GSE1: variants seen among roughly 807,000 people sequenced by gnomAD.
GSE1 encodes genetic suppressor element 1.
In GSE1, 32 loss-of-function variants were observed where a neutral mutation model predicts 112.6. The observed-to-expected ratio is 0.28, with a 90% CI of 0.21 to 0.38. GSE1 has a LOEUF of 0.38. Ranked by LOEUF, GSE1 falls within the 10% of genes least tolerant of loss-of-function variation. GSE1 has a pLI of 1.00. For missense variants in GSE1, 2,348 were observed against 1,699.2 expected (o/e 1.38, Z -6.71); for synonymous variants, 1,115 against 735.6 (o/e 1.52, Z -8.35).
chr16:85,469,919 C>T (rs1162886899), intron 2 of GSE1, among the ~76,000 whole-genome samples: 1 of 152,244 alleles, frequency 6.6e-6, no homozygotes, highest in Non-Finnish European at 1.5e-5. Flanking sequence ...AGTCCCCGAC[C>T]AGGCACGGGG....
At chr16:85,615,801 AG>A (rs1352485807) in intron 1 of GSE1, among the ~76,000 whole-genome samples, 1 of 152,154 alleles carries the variant, frequency 6.6e-6, no homozygotes, top group African/African-American at 2.4e-5. Flanking sequence ...GGCCTTTCCA[AG>A]CCCAGTTAAG....
intron 2 of GSE1, among the ~76,000 whole-genome samples, chr16:85,443,434 T>C (rs1289825643): frequency 6.6e-6 from 1 of 152,216 alleles, no homozygotes; most frequent in Non-Finnish European, 1.5e-5. Context: ...AAAACAGAGC[T>C]AGGACAATGA....
At chr16:85,370,905 G>A (rs977134823) in intron 2 of GSE1, among the ~76,000 whole-genome samples, 3 of 152,204 alleles carry the variant, frequency 2.0e-5, no homozygotes, top group Admixed American at 6.5e-5. Flanking sequence ...ACTACCCTCC[G>A]AGCCAGCCTG....
chr16:85,647,116 C>G (rs552539368), intron 2 of GSE1, among the ~76,000 whole-genome samples: 1 of 152,192 alleles, frequency 6.6e-6, no homozygotes, highest in Non-Finnish European at 1.5e-5. Context: ...AACACTCCTC[C>G]CCGTCCTCCC....
chr16:85,293,312 G>A (rs1488628096), intron 1 of GSE1, among the ~76,000 whole-genome samples: 3 of 152,124 alleles, frequency 2.0e-5, no homozygotes, highest in East Asian at 3.9e-4. Context: ...CTGGGAGGCC[G>A]AGGCGGGTGC....
At chr16:85,648,987 TG>T (rs2051111633) in intron 3 of GSE1, among the ~76,000 whole-genome samples, 1 of 152,110 alleles carries the variant, frequency 6.6e-6, no homozygotes, top group Non-Finnish European at 1.5e-5. Context: ...AACCACCCGC[TG>T]GGGGTGTCCC....
intron 1 of GSE1, among the ~76,000 whole-genome samples, chr16:85,619,843 A>T (rs1567662673): frequency 6.6e-6 from 1 of 152,054 alleles, no homozygotes; most frequent in Non-Finnish European, 1.5e-5. Context: ...GGCCCCGGGG[A>T]TCCATATCCT....
chr16:85,671,034 G>C lies in GSE1; in HGVS notation c.3455G>C (p.Arg1152Thr), dbSNP rs1379435104. The change falls in exon 15 of 16, where the codon AGA becomes ACA. Residue 1152 changes from arginine (R) to threonine (T), a missense_variant. By Grantham distance (71) the Arg-to-Thr change is moderately conservative. Coordinates refer to ENST00000253458, the MANE Select transcript of GSE1 (RefSeq NM_014615.5). The part of the protein sequence containing the change: ...LERQVLQTQC[R>T]RLEARHYSLS... ...CGGCAGGTGTTACAGACACAATGTA[G>C]ACGACTGGAGGCCCGGCACTACAGC... is the stretch of plus-strand genomic sequence containing the variant. The C allele has an allele frequency of 1.2e-6, 2 of 1,612,780 alleles. No individual in the cohort carries two copies. The highest frequency in any genetic ancestry group is 2.2e-5 in the East Asian group (1 of 44,862).
chr16:85,363,137 G>C (rs2047117974), intron 2 of GSE1, among the ~76,000 whole-genome samples: 1 of 152,150 alleles, frequency 6.6e-6, no homozygotes, highest in Admixed American at 6.5e-5. Flanking sequence ...GCACCCGCTG[G>C]ATATCATTAT....
intron 1 of GSE1, among the ~76,000 whole-genome samples, chr16:85,226,126 C>T (rs1446052301): frequency 6.6e-6 from 1 of 152,224 alleles, no homozygotes; most frequent in Non-Finnish European, 1.5e-5. Flanking sequence ...CTCCACCATA[C>T]TCACTTCCTT....
chr16:85,188,363 G>A (rs1365281662), intron 1 of GSE1, among the ~76,000 whole-genome samples: 1 of 152,234 alleles, frequency 6.6e-6, no homozygotes, highest in South Asian at 2.1e-4. Flanking sequence ...CTCAATTAAT[G>A]TTGGCTCTTA....
chr16:85,448,962 C>T (rs1367225395), intron 2 of GSE1, among the ~76,000 whole-genome samples: 5 of 152,220 alleles, frequency 3.3e-5, no homozygotes, highest in Non-Finnish European at 4.4e-5. Flanking sequence ...CTGTTTGCCT[C>T]TCCCCGCCCC....
In GSE1 at chr16:85,657,348, C is replaced by T. The variant is rs2052051070; in HGVS notation, c.1384C>T (p.His462Tyr). The change falls in exon 8 of 16, where the codon CAC (histidine) becomes TAC (tyrosine). Residue 462 changes from histidine to tyrosine, a missense_variant. By Grantham distance (83) the His-to-Tyr change is moderately conservative. Coordinates refer to ENST00000253458, the MANE Select transcript of GSE1 (RefSeq NM_014615.5). ...QHPLHPVPTP[H>Y]HTVPSLISNH... ...CCCCTTGCATCCGGTGCCCACCCCA[C>T]ACCACACGGTGCCCAGCCTCATCTC... The T allele has an allele frequency of 1.2e-6, 2 of 1,611,266 alleles. No individual in the cohort carries two copies. The highest frequency in any genetic ancestry group is 8.5e-7 in the Non-Finnish European group (1 of 1,179,402).
At position 85,603,984 on chromosome 16, in the gene GSE1, T is replaced by G. The variant is rs150538314; in HGVS notation, c.38-44568T>G. ...AAAGAAAAGCGGTATAATTGGTTCA[T>G]GGTTCTGCAGGCCCTGCAGGAAGCA... On this transcript the variant is annotated intron_variant, in intron 1 of 2. Coordinates refer to the GSE1 transcript ENST00000635906. Among the ~76,000 whole-genome samples, 180 of 152,290 alleles carry G rather than the reference T, an allele frequency of 1.2e-3. 1 individual carries two copies. Among genetic ancestry groups the G allele is most frequent in the African/African-American group, 4.2e-3 (176 of 41,552 alleles).
rs139460605 is a variant in GSE1, at chr16:85,332,561, T to A, written c.2284-24902T>A. ...CGGTGTCCAAAGCCCCCTCCCCGTG[T>A]GCCTCCCCCGACCCTCAGCTGGTGG... On this transcript the variant is annotated intron_variant, in intron 1 of 2. Coordinates refer to the GSE1 transcript ENST00000637419. 3.0e-3 allele frequency among the ~76,000 whole-genome samples: 452 copies of A among 152,250 alleles called. 4 individuals are homozygous for A. The highest frequency in any genetic ancestry group is 0.01 in the African/African-American group (435 of 41,554).
intron 2 of GSE1, among the ~76,000 whole-genome samples, chr16:85,472,174 GGT>G (rs1301574504): frequency 1.3e-5 from 2 of 152,180 alleles, no homozygotes; most frequent in African/African-American, 4.8e-5. Flanking sequence ...CCTTGCTTAA[GGT>G]GTGTGTATGT....
rs1398520159 is a variant in GSE1 at position 85,303,090 on chromosome 16, A to G, written c.2284-54373A>G. ...GAGGGGGTGAAAATGTTGCTTAGCC[A>G]TGTGTCCAGAGCGAGGAAACGGGTT... is the stretch of plus-strand genomic sequence containing the variant. On this transcript the variant is annotated intron_variant, in intron 1 of 2. Transcript: ENST00000637419. Among the ~76,000 whole-genome samples, 3 of 152,188 alleles carry G rather than the reference A, an allele frequency of 2.0e-5. No individual in the cohort carries two copies. The East Asian group carries it at 5.8e-4, about 29-fold the overall frequency.
intron 2 of GSE1, among the ~76,000 whole-genome samples, chr16:85,384,091 C>T (rs1020745976): frequency 6.6e-6 from 1 of 152,108 alleles, no homozygotes; most frequent in African/African-American, 2.4e-5. Context: ...ACGTCTCCCT[C>T]GACCCTCCGG....
intron 1 of GSE1, among the ~76,000 whole-genome samples, chr16:85,191,258 TCAA>T (rs943150772): frequency 1.3e-5 from 2 of 152,136 alleles, no homozygotes; most frequent in African/African-American, 4.8e-5. Context: ...AGAATCCATC[TCAA>T]CAACAACGAC....
Sources: allele counts gnomAD v4.1 joint callset (sites outside exome capture counted in the v4.1 genomes callset), GRCh38; gene constraint gnomAD v4.1.1; transcripts MANE v1.5; gene names NCBI Gene and HGNC (gene_info 2026-07-23, HGNC 2026-07-21).